FRMD4A: variants seen among roughly 807,000 people sequenced by gnomAD.
FRMD4A encodes the protein FERM domain containing 4A, also known as FERM domain-containing protein 4A.
In FRMD4A, 29 loss-of-function variants were observed where a neutral mutation model predicts 129.1. The observed-to-expected ratio is 0.22, with a 90% CI of 0.17 to 0.31. The LOEUF (loss-of-function observed/expected upper bound fraction) is 0.31, where lower values mean the gene tolerates loss of function less well. Among genes scored for constraint, FRMD4A ranks in the 10% least tolerant of loss-of-function variants. FRMD4A has a pLI of 1.00. For synonymous variants in FRMD4A, 634 were observed against 571.6 expected (o/e 1.11, Z -1.56); for missense variants, 1,272 against 1,375.8 (o/e 0.92, Z 1.19).
intron 2 of FRMD4A, among the ~76,000 whole-genome samples, chr10:14,209,558 A>T (rs1304958694): frequency 6.6e-6 from 1 of 151,986 alleles, no homozygotes; most frequent in East Asian, 1.9e-4. Flanking sequence ...CGTCTCTACT[A>T]AAAATACAAA....
At chr10:13,925,156 C>T (rs2095116929) in intron 2 of FRMD4A, among the ~76,000 whole-genome samples, 1 of 151,094 alleles carries the variant, frequency 6.6e-6, no homozygotes, top group South Asian at 2.1e-4. Flanking sequence ...GCACAATGGG[C>T]AAGATCTGCA....
At chr10:14,295,328 C>T (rs540358561) in intron 2 of FRMD4A, among the ~76,000 whole-genome samples, 1 of 152,172 alleles carries the variant, frequency 6.6e-6, no homozygotes, top group Admixed American at 6.5e-5. Context: ...ACCCAATTCA[C>T]TTTTATTTGA....
chr10:14,185,459 A>C (rs767202678), intron 2 of FRMD4A, among the ~76,000 whole-genome samples: 1 of 152,380 alleles, frequency 6.6e-6, no homozygotes, highest in South Asian at 2.1e-4. Context: ...GGCAGAAATT[A>C]GTACAAAAAA....
intron 2 of FRMD4A, among the ~76,000 whole-genome samples, chr10:14,106,746 C>T (rs1837607160): frequency 6.6e-6 from 1 of 152,152 alleles, no homozygotes; most frequent in Non-Finnish European, 1.5e-5. Flanking sequence ...ATCTTTCTGT[C>T]TTTTGGGATG....
intron 12 of FRMD4A, among the ~76,000 whole-genome samples, chr10:13,731,486 TAA>T (rs2090319462): frequency 6.6e-6 from 1 of 151,962 alleles, no homozygotes; most frequent in African/African-American, 2.4e-5. Flanking sequence ...CCGTCTCTAC[TAA>T]AAATACAAAA....
chr10:14,016,515 G>C (rs543385734), intron 2 of FRMD4A, among the ~76,000 whole-genome samples: 10 of 152,270 alleles, frequency 6.6e-5, no homozygotes, highest in Admixed American at 3.9e-4. Flanking sequence ...TAAGGTCCAC[G>C]TTTCATCTGC....
chr10:14,221,993 T>G (rs773262467), intron 2 of FRMD4A, among the ~76,000 whole-genome samples: 3 of 152,248 alleles, frequency 2.0e-5, no homozygotes, highest in Non-Finnish European at 4.4e-5. Context: ...AATTACTTCT[T>G]GTAGGTTTTG....
chr10:13,738,034 T>A lies in FRMD4A; in HGVS notation c.673-104A>T. 3 of 701,996 alleles carry A rather than the reference T, an allele frequency of 4.3e-6. No individual in the cohort carries two copies. The South Asian group carries it at 4.8e-5, about 11-fold the overall frequency. The allele number at this position is 701,996 out of a possible 1,614,324, so 43.5% of individuals were successfully genotyped here. On this transcript the variant is annotated intron_variant, in intron 11 of 24. Transcript: ENST00000357447. ...GGGGCAGACGAGGGAAAGGGCCATT[T>A]CCTTGGAATGGATGGAGCCCACCTG... is the stretch of plus-strand genomic sequence containing the variant.
intron 2 of FRMD4A, among the ~76,000 whole-genome samples, chr10:13,893,806 C>G (rs999690252): frequency 6.6e-6 from 1 of 152,240 alleles, no homozygotes; most frequent in Non-Finnish European, 1.5e-5. Flanking sequence ...CCACCGCACC[C>G]AGCTCAGACA....
At chr10:13,770,335 T>C (rs1391276133) in intron 6 of FRMD4A, among the ~76,000 whole-genome samples, 1 of 152,212 alleles carries the variant, frequency 6.6e-6, no homozygotes, top group Admixed American at 6.5e-5. Context: ...CAACCCTAAC[T>C]CTGCCGCGTT....
At chr10:14,039,229 C>T (rs991022242) in intron 2 of FRMD4A, among the ~76,000 whole-genome samples, 1 of 152,012 alleles carries the variant, frequency 6.6e-6, no homozygotes, top group East Asian at 1.9e-4. Flanking sequence ...TTAATTGTAT[C>T]GTTATTTAAT....
chr10:13,702,460 T>C (rs758576196), intron 13 of FRMD4A, among the ~76,000 whole-genome samples: 3 of 152,196 alleles, frequency 2.0e-5, no homozygotes, highest in Non-Finnish European at 4.4e-5. Context: ...GGGGGAGTTA[T>C]ATGGTCATGC....
Position 13,999,285 on chromosome 10 carries a change from C to CG in FRMD4A, c.46-140374dup, listed in dbSNP as rs559913244. On this transcript the variant is annotated intron_variant, in intron 2 of 24. Coordinates refer to ENST00000357447, the MANE Select transcript of FRMD4A (RefSeq NM_018027.5). ...CACCACTTGACGTACTACCAATTCA[C>CG]GAAAGCGCAGACTTAGCTGTGTCTC... Among the ~76,000 whole-genome samples the CG allele has an allele frequency of 4.5e-3, 688 of 152,240 alleles. 11 individuals carry two copies. The highest frequency in any genetic ancestry group is 0.016 in the African/African-American group (644 of 41,548).
At chr10:14,321,442 T>G (rs1843045986) in intron 2 of FRMD4A, among the ~76,000 whole-genome samples, 1 of 151,872 alleles carries the variant, frequency 6.6e-6, no homozygotes, top group Non-Finnish European at 1.5e-5. Flanking sequence ...CATTCAGAAG[T>G]GCACAGGCTT....
intron 8 of FRMD4A, among the ~76,000 whole-genome samples, chr10:13,748,538 T>C (rs2091412741): frequency 2.6e-5 from 4 of 152,180 alleles, no homozygotes; most frequent in Admixed American, 6.5e-5. Flanking sequence ...CTCAAAAAGT[T>C]TCTGAGTTTG....
intron 2 of FRMD4A, among the ~76,000 whole-genome samples, chr10:14,168,770 C>G (rs1841323087): frequency 6.6e-6 from 1 of 152,196 alleles, no homozygotes; most frequent in Non-Finnish European, 1.5e-5. Context: ...AGTCCTATTA[C>G]TGCATACATG....
At chr10:13,800,909 C>T (rs1308031986) in intron 4 of FRMD4A, among the ~76,000 whole-genome samples, 1 of 152,194 alleles carries the variant, frequency 6.6e-6, no homozygotes, top group Non-Finnish European at 1.5e-5. Context: ...TCCCGGCCAT[C>T]TATTGGTTTA....
chr10:13,986,017 G>T (rs2095579869), intron 2 of FRMD4A, among the ~76,000 whole-genome samples: 1 of 152,146 alleles, frequency 6.6e-6, no homozygotes, highest in East Asian at 1.9e-4. Context: ...CATCTCTTTT[G>T]TCTAGAACTG....
chr10:13,965,992 C>T (rs539767726), intron 2 of FRMD4A, among the ~76,000 whole-genome samples: 9 of 152,158 alleles, frequency 5.9e-5, no homozygotes, highest in African/African-American at 1.9e-4. Context: ...TGTGATTTTT[C>T]CTTTCACATG....
Sources: allele counts gnomAD v4.1 joint callset (sites outside exome capture counted in the v4.1 genomes callset), GRCh38; gene constraint gnomAD v4.1.1; transcripts MANE v1.5; gene names NCBI Gene and HGNC (gene_info 2026-07-23, HGNC 2026-07-21).